The following GALNT7 variants were observed in gnomAD, a reference collection of about 807,000 sequenced individuals.
GALNT7 encodes polypeptide N-acetylgalactosaminyltransferase 7, also known as N-acetylgalactosaminyltransferase 7.
In GALNT7, 60 loss-of-function variants were observed where a neutral mutation model predicts 82.1. The ratio of observed to expected loss-of-function variants is 0.73; its 90% confidence interval spans 0.59 to 0.91. The LOEUF (loss-of-function observed/expected upper bound fraction) is 0.91. Ranked by LOEUF, GALNT7 falls within the 40% of genes least tolerant of loss-of-function variation. The pLI, the probability that GALNT7 is intolerant of heterozygous loss-of-function variation, is 0.00. For missense variants in GALNT7, 660 were observed against 804.2 expected, an observed-to-expected ratio of 0.82 and a Z score of 2.17; for synonymous variants, 243 against 275.1, an observed-to-expected ratio of 0.88 and a Z score of 1.15.
chr4:173,275,316 G>A lies in GALNT7; in HGVS notation c.588-16792G>A, dbSNP rs548738024. ...CTGGCTTCCTTCGTGAATTCTAACC[G>A]TACCGTTACTGTGTTTGAGGATCAC... On this transcript the variant is annotated intron_variant, in intron 2 of 11. Coordinates refer to ENST00000265000, the MANE Select transcript of GALNT7 (RefSeq NM_017423.3). Among the ~76,000 whole-genome samples, 274 of 152,298 alleles carry A rather than the reference G, an allele frequency of 1.8e-3. No homozygotes were observed. In the Middle Eastern group the frequency reaches 0.02, roughly 11 times the overall value.
chr4:173,230,602 T>G (rs1733998461), intron 1 of GALNT7, among the ~76,000 whole-genome samples: 1 of 152,208 alleles, frequency 6.6e-6, no homozygotes, highest in Non-Finnish European at 1.5e-5. Context: ...ACATTCCATA[T>G]TATTCTGTAT....
intron 2 of GALNT7, among the ~76,000 whole-genome samples, chr4:173,286,282 A>G (rs1736319468): frequency 6.6e-6 from 1 of 152,228 alleles, no homozygotes; most frequent in African/African-American, 2.4e-5. Flanking sequence ...GCTCGGCTCT[A>G]GCAAGGGCAG....
Position 173,295,432 on chromosome 4 carries a change from T to C in GALNT7, c.791T>C (p.Leu264Pro). 1 of 1,599,572 alleles carries C rather than the reference T, an allele frequency of 6.3e-7. No homozygotes were observed. Among genetic ancestry groups the C allele is most frequent in the South Asian group, 1.1e-5 (1 of 90,742 alleles). Residue 264 changes from leucine (L) to proline (P), a missense_variant, in exon 4 of 12, where the codon CTG becomes CCG. Coordinates refer to ENST00000265000, the MANE Select transcript of GALNT7 (RefSeq NM_017423.3). ...LKEKLDEYIK[L>P]WNGLVKVFRN... ...GAAAAACTGGATGAATATATTAAGC[T>C]GTGGAATGGCCTAGTGAAGGTATTT...
intron 1 of GALNT7, among the ~76,000 whole-genome samples, chr4:173,220,560 TTACA>T (rs752461626): frequency 9.2e-5 from 14 of 152,152 alleles, no homozygotes; most frequent in Non-Finnish European, 1.6e-4. Context: ...TGCAGGTTAG[TTACA>T]TACGTATACA....
chr4:173,238,611 C>T (rs997932788), intron 1 of GALNT7, among the ~76,000 whole-genome samples: 4 of 151,982 alleles, frequency 2.6e-5, no homozygotes, highest in Non-Finnish European at 4.4e-5. Flanking sequence ...TACTACAAAA[C>T]GATGTATTAA....
intron 1 of GALNT7, among the ~76,000 whole-genome samples, chr4:173,227,226 A>T (rs1344384735): frequency 6.6e-6 from 1 of 152,230 alleles, no homozygotes; most frequent in Non-Finnish European, 1.5e-5. Flanking sequence ...AACTCCATTT[A>T]AAGAAGTATC....
Position 173,322,286 on chromosome 4 carries a change from A to G in GALNT7, c.*569A>G, listed in dbSNP as rs1345972865. 6.5e-6 allele frequency: 1 copy of G among 152,830 alleles called. No individual in the cohort carries two copies. Among genetic ancestry groups the G allele is most frequent in the African/African-American group, 2.4e-5 (1 of 41,442 alleles). The allele number at this position is 152,830 out of a possible 1,614,324, so 9.5% of individuals were successfully genotyped here. On this transcript the variant is annotated 3_prime_UTR_variant, in exon 12 of 12. Transcript: ENST00000265000. ...TCTTTCATTTCTCAGTATATATTTC[A>G]AGAGCTTGTGATGAAATCTATAGGA...
At chr4:173,217,716 T>C (rs28663544) in intron 1 of GALNT7, among the ~76,000 whole-genome samples, 62,688 of 152,102 alleles carry the variant, frequency 0.41, 14,410 homozygotes, top group East Asian at 0.67. Context: ...ATACCCACAT[T>C]TAGCCATATG....
intron 1 of GALNT7, among the ~76,000 whole-genome samples, chr4:173,230,076 A>G (rs1733978490): frequency 1.3e-5 from 2 of 152,200 alleles, no homozygotes; most frequent in Non-Finnish European, 2.9e-5. Context: ...AAAAACCTGT[A>G]TGACTTAGGG....
chr4:173,220,954 A>G (rs192961126), intron 1 of GALNT7, among the ~76,000 whole-genome samples: 2,080 of 151,942 alleles, frequency 0.014, 30 homozygotes, highest in African/African-American at 0.025. Context: ...TAGTGCCGCA[A>G]TAAACATACG....
At chr4:173,283,574 A>T (rs1736197159) in intron 2 of GALNT7, among the ~76,000 whole-genome samples, 1 of 144,716 alleles carries the variant, frequency 6.9e-6, no homozygotes, top group South Asian at 2.3e-4. Context: ...TGGGAGGTGG[A>T]GGTTGTGAGC....
At chr4:173,216,383 T>TA (rs2126679921) in intron 1 of GALNT7, among the ~76,000 whole-genome samples, 1 of 152,270 alleles carries the variant, frequency 6.6e-6, no homozygotes, top group South Asian at 2.1e-4. Flanking sequence ...CGTAATGTGT[T>TA]ACTGGGCTTT....
chr4:173,248,842 G>A (rs2126740404), intron 2 of GALNT7, among the ~76,000 whole-genome samples: 1 of 152,256 alleles, frequency 6.6e-6, no homozygotes, highest in African/African-American at 2.4e-5. Context: ...TTTCATTCTG[G>A]AGCAAGTGCC....
At chr4:173,287,795 T>TCCCCC (rs1442663254) in intron 2 of GALNT7, among the ~76,000 whole-genome samples, 1 of 152,114 alleles carries the variant, frequency 6.6e-6, no homozygotes. Context: ...ACCCTAAGGG[T>TCCCCC]CCAGGAGAGA....
intron 1 of GALNT7, among the ~76,000 whole-genome samples, chr4:173,215,301 G>A (rs1733407127): frequency 1.3e-5 from 2 of 150,876 alleles, no homozygotes; most frequent in South Asian, 4.2e-4. Context: ...TGTGATCTCG[G>A]CTCACTGCAA....
At chr4:173,178,381 G>T (rs1732141676) in intron 1 of GALNT7, among the ~76,000 whole-genome samples, 1 of 151,996 alleles carries the variant, frequency 6.6e-6, no homozygotes, top group African/African-American at 2.4e-5. Flanking sequence ...TAAAAATGAG[G>T]TTTATCATTA....
At chr4:173,222,321 G>A (rs948854953) in intron 1 of GALNT7, among the ~76,000 whole-genome samples, 4 of 152,114 alleles carry the variant, frequency 2.6e-5, no homozygotes, top group Non-Finnish European at 5.9e-5. Context: ...CCCCCAGGCT[G>A]GAGTGCAATG....
At chr4:173,267,710 G>A (rs749974859) in intron 2 of GALNT7, among the ~76,000 whole-genome samples, 6 of 152,228 alleles carry the variant, frequency 3.9e-5, no homozygotes, top group Non-Finnish European at 5.9e-5. Context: ...AGCTGAAAGA[G>A]TGATGAGCAT....
chr4:173,252,150 T>C (rs577919829), intron 2 of GALNT7, among the ~76,000 whole-genome samples: 3 of 152,340 alleles, frequency 2.0e-5, no homozygotes, highest in South Asian at 4.1e-4. Flanking sequence ...CTAATATGCA[T>C]ATTAGCACTT....
Sources: gnomAD v4.1 joint callset for allele counts (sites outside exome capture counted in the v4.1 genomes callset) on GRCh38, gnomAD v4.1.1 for gene constraint, MANE v1.5 for transcripts, NCBI Gene and HGNC (gene_info 2026-07-23, HGNC 2026-07-21) for gene names.